Variants in OR9Q1 observed in about 807,000 individuals in gnomAD.
OR9Q1 encodes the protein olfactory receptor family 9 subfamily Q member 1, also known as olfactory receptor 9Q1.
For missense variants in OR9Q1, 374 were observed against 378.8 expected (o/e 0.99, Z 0.11); for synonymous variants, 153 against 148.6 (o/e 1.03, Z -0.22).
intron 1 of OR9Q1, among the ~76,000 whole-genome samples, chr11:58,048,185 G>T (rs1199500077): frequency 1.3e-5 from 2 of 152,128 alleles, no homozygotes; most frequent in South Asian, 2.1e-4. Flanking sequence ...CTTTGTGCCA[G>T]TTAGGATTGG....
rs1313991004 is a variant in OR9Q1 at position 58,179,628 on chromosome 11, C to T, written c.184C>T (p.Leu62Phe). The T allele has an allele frequency of 1.2e-6, 2 of 1,612,944 alleles. No homozygotes were observed. Among genetic ancestry groups the T allele is most frequent in the Non-Finnish European group, 1.7e-6 (2 of 1,179,290 alleles). The change falls in exon 3 of 3, where the codon CTT (leucine) becomes TTT (phenylalanine). Residue 62 changes from leucine to phenylalanine, a missense_variant. Transcript: ENST00000335397. ...DHQLHAPMYFLLSHLAFMDVC... is the reference protein window; with the variant it reads ...DHQLHAPMYFFLSHLAFMDVC... The stretch of plus-strand genomic sequence containing the variant: ...CCAGCTCCACGCTCCAATGTATTTC[C>T]TTCTGAGTCACCTCGCTTTCATGGA...
intron 2 of OR9Q1, among the ~76,000 whole-genome samples, chr11:58,151,094 C>T (rs1195895515): frequency 6.6e-6 from 1 of 152,108 alleles, no homozygotes; most frequent in East Asian, 1.9e-4. Context: ...TATGGGTATG[C>T]CACATGCAAG....
At chr11:58,154,379 A>ATTTT (rs3085835) in intron 2 of OR9Q1, among the ~76,000 whole-genome samples, 6,036 of 140,906 alleles carry the variant, frequency 0.043, 195 homozygotes, top group Middle Eastern at 0.09. Context: ...AATGCAATGG[A>ATTTT]TTTTTTTTTT....
intron 2 of OR9Q1, among the ~76,000 whole-genome samples, chr11:58,075,619 G>T (rs1853532185): frequency 6.6e-6 from 1 of 152,182 alleles, no homozygotes; most frequent in Non-Finnish European, 1.5e-5. Context: ...ACAGCGAGAA[G>T]GTGCCACCTA....
chr11:58,115,464 TATATC>T (rs1217357649), intron 2 of OR9Q1, among the ~76,000 whole-genome samples: 8 of 152,192 alleles, frequency 5.3e-5, no homozygotes, highest in Admixed American at 1.3e-4. Context: ...AATGCATACA[TATATC>T]AAAGCATGAT....
chr11:58,028,804 G>C (rs534508246), intron 1 of OR9Q1, among the ~76,000 whole-genome samples: 1 of 152,340 alleles, frequency 6.6e-6, no homozygotes, highest in East Asian at 1.9e-4. Flanking sequence ...GACGCACGCA[G>C]AAATCTGAAA....
At chr11:58,103,187 G>A (rs183679541) in intron 2 of OR9Q1, among the ~76,000 whole-genome samples, 19 of 152,200 alleles carry the variant, frequency 1.2e-4, no homozygotes, top group African/African-American at 2.6e-4. Context: ...AAGAAAACAC[G>A]TCCTGCTTCA....
intron 2 of OR9Q1, among the ~76,000 whole-genome samples, chr11:58,109,960 C>G: frequency 6.6e-6 from 1 of 152,228 alleles, no homozygotes; most frequent in Non-Finnish European, 1.5e-5. Flanking sequence ...TGGAAGGGAC[C>G]AATATGGGGT....
At chr11:58,126,523 G>A (rs780340941) in intron 2 of OR9Q1, among the ~76,000 whole-genome samples, 15 of 152,282 alleles carry the variant, frequency 9.9e-5, no homozygotes, top group South Asian at 2.1e-4. Context: ...GCATTCAGGC[G>A]AACTAGGGTG....
At chr11:58,054,167 G>T (rs904355097) in intron 1 of OR9Q1, among the ~76,000 whole-genome samples, 24 of 152,176 alleles carry the variant, frequency 1.6e-4, no homozygotes, top group African/African-American at 5.8e-4. Context: ...AGTAGAAAAA[G>T]GAAGATAAGC....
At chr11:58,140,409 T>G (rs1363344573) in intron 2 of OR9Q1, among the ~76,000 whole-genome samples, 1 of 152,212 alleles carries the variant, frequency 6.6e-6, no homozygotes, top group Non-Finnish European at 1.5e-5. Context: ...CTAGGGTTTT[T>G]ATGGTTTTAG....
intron 1 of OR9Q1, among the ~76,000 whole-genome samples, chr11:58,042,292 G>A (rs61904011): frequency 0.22 from 32,720 of 151,956 alleles, 4,077 homozygotes; most frequent in Middle Eastern, 0.38. Context: ...TAACGTTTAA[G>A]TCTTTAATCC....
At chr11:58,153,974 TAG>T (rs1202251665) in intron 2 of OR9Q1, among the ~76,000 whole-genome samples, 1 of 151,988 alleles carries the variant, frequency 6.6e-6, no homozygotes, top group Non-Finnish European at 1.5e-5. Flanking sequence ...TTGGTAATAA[TAG>T]AGTGTAAGGG....
chr11:58,082,240 G>T (rs1177525902), intron 2 of OR9Q1, among the ~76,000 whole-genome samples: 3 of 152,132 alleles, frequency 2.0e-5, no homozygotes, highest in Non-Finnish European at 4.4e-5. Context: ...AATAGCATTT[G>T]ACCCAGCCAT....
chr11:58,025,788 C>T (rs1301954059), intron 1 of OR9Q1, among the ~76,000 whole-genome samples: 1 of 152,104 alleles, frequency 6.6e-6, no homozygotes, highest in African/African-American at 2.4e-5. Flanking sequence ...TAGCCTTAAC[C>T]ACTGTGCTCT....
chr11:58,116,803 ATTG>A (rs1001080584), intron 2 of OR9Q1: 7 of 152,218 alleles, frequency 4.6e-5, no homozygotes, highest in Admixed American at 3.3e-4. Context: ...TTTTAATAAA[ATTG>A]TTGTTTCCAT....
chr11:58,109,954 AG>A lies in OR9Q1; in HGVS notation c.-15+54010del, dbSNP rs1466523674. ...AGAATGTTAGACCATCAAGACTGGA[AG>A]GGACCAATATGGGGTCCCTCTGTGC... On this transcript the variant is annotated intron_variant, in intron 2 of 2. Coordinates refer to ENST00000335397, the MANE Select transcript of OR9Q1 (RefSeq NM_001005212.4). 3.3e-5 allele frequency among the ~76,000 whole-genome samples: 5 copies of A among 152,186 alleles called. No individual in the cohort carries two copies. In the East Asian group the frequency reaches 9.6e-4, roughly 29 times the overall value.
intron 2 of OR9Q1, among the ~76,000 whole-genome samples, chr11:58,141,534 T>A (rs955760275): frequency 3.9e-5 from 6 of 152,214 alleles, no homozygotes; most frequent in Admixed American, 2.6e-4. Flanking sequence ...TTGATTTTCA[T>A]ATGTTGAACC....
At chr11:58,172,969 C>T (rs867633575) in intron 2 of OR9Q1, among the ~76,000 whole-genome samples, 2 of 152,128 alleles carry the variant, frequency 1.3e-5, no homozygotes, top group South Asian at 4.1e-4. Flanking sequence ...TGCCCCAATA[C>T]TTTTATCCAA....
Sources: gnomAD v4.1 joint callset for allele counts (sites outside exome capture counted in the v4.1 genomes callset) on GRCh38, gnomAD v4.1.1 for gene constraint, MANE v1.5 for transcripts, NCBI Gene and HGNC (gene_info 2026-07-23, HGNC 2026-07-21) for gene names.